The following AKT3 variants were observed in gnomAD, a reference collection of about 807,000 sequenced individuals.
The protein encoded by AKT3 is AKT serine/threonine kinase 3.
A neutral mutation model predicts 65.3 loss-of-function variants in AKT3; 15 were observed. That is an observed-to-expected ratio of 0.23 (90% CI 0.15 to 0.35). AKT3 has a LOEUF of 0.35. Ranked by LOEUF, AKT3 falls within the 10% of genes least tolerant of loss-of-function variation. The pLI is 1.00. For missense variants in AKT3, 243 were observed against 576.5 expected (o/e 0.42, Z 5.92); for synonymous variants, 206 against 183.8 (o/e 1.12, Z -0.98).
chr1:243,733,280 C>A (rs1687662407), intron 2 of AKT3, among the ~76,000 whole-genome samples: 1 of 152,182 alleles, frequency 6.6e-6, no homozygotes, highest in African/African-American at 2.4e-5. Flanking sequence ...CAAAAGATAG[C>A]TCTCTTTCAA....
intron 2 of AKT3, among the ~76,000 whole-genome samples, chr1:243,829,662 T>C (rs920632271): frequency 6.6e-6 from 1 of 151,878 alleles, no homozygotes; most frequent in Non-Finnish European, 1.5e-5. Context: ...AAATGTAAAA[T>C]AAAACAGCAA....
At chr1:243,776,515 G>C (rs1168301064) in intron 2 of AKT3, among the ~76,000 whole-genome samples, 5 of 152,154 alleles carry the variant, frequency 3.3e-5, no homozygotes, top group Non-Finnish European at 7.3e-5. Flanking sequence ...CAAGAAGCCA[G>C]AAAGAGAGCC....
intron 2 of AKT3, among the ~76,000 whole-genome samples, chr1:243,719,847 C>T (rs1686763594): frequency 6.6e-6 from 1 of 152,148 alleles, no homozygotes; most frequent in African/African-American, 2.4e-5. Context: ...CACCTAACTC[C>T]AAGACAGCTG....
intron 8 of AKT3, among the ~76,000 whole-genome samples, chr1:243,581,170 C>T (rs548478572): frequency 6.6e-6 from 1 of 152,334 alleles, no homozygotes; most frequent in Non-Finnish European, 1.5e-5. Flanking sequence ...TCCCTCGGCA[C>T]TAGTGCCTGT....
At chr1:243,725,741 C>A (rs1275990133) in intron 2 of AKT3, among the ~76,000 whole-genome samples, 33 of 151,506 alleles carry the variant, frequency 2.2e-4, no homozygotes, top group Non-Finnish European at 2.9e-5. Flanking sequence ...ATACCATTGC[C>A]AAAAAAAATT....
intron 8 of AKT3, among the ~76,000 whole-genome samples, chr1:243,589,020 A>C (rs1377371919): frequency 6.6e-6 from 1 of 152,102 alleles, no homozygotes; most frequent in Non-Finnish European, 1.5e-5. Flanking sequence ...AATATATACA[A>C]AACTCGGCTG....
chr1:243,561,144 A>G (rs1217724238), intron 10 of AKT3, among the ~76,000 whole-genome samples: 1 of 152,124 alleles, frequency 6.6e-6, no homozygotes, highest in African/African-American at 2.4e-5. Flanking sequence ...AATTTATTGT[A>G]TTTTAAATAG....
At chr1:243,848,722 A>G (rs1695618827) in intron 1 of AKT3, among the ~76,000 whole-genome samples, 1 of 152,252 alleles carries the variant, frequency 6.6e-6, no homozygotes, top group Non-Finnish European at 1.5e-5. Flanking sequence ...ACAAAAAGCC[A>G]TTATTTTTTA....
At chr1:243,573,398 T>A (rs1192680066) in intron 8 of AKT3, among the ~76,000 whole-genome samples, 1 of 152,158 alleles carries the variant, frequency 6.6e-6, no homozygotes, top group East Asian at 1.9e-4. Context: ...ATTGAGATAT[T>A]ACTAAAATAA....
chr1:243,573,230 G>A (rs535380749), intron 8 of AKT3, among the ~76,000 whole-genome samples, 182 bp from the exon 9 acceptor site: 2 of 152,168 alleles, frequency 1.3e-5, no homozygotes, highest in African/African-American at 2.4e-5. Context: ...GGGAAACTGC[G>A]AGCTGTTAAA....
chr1:243,577,945 C>A (rs1675064659), intron 8 of AKT3, among the ~76,000 whole-genome samples: 1 of 152,126 alleles, frequency 6.6e-6, no homozygotes, highest in Non-Finnish European at 1.5e-5. Context: ...AGCTCAACAC[C>A]ACTGATCATT....
At chr1:243,587,765 T>A (rs535642510) in intron 8 of AKT3, among the ~76,000 whole-genome samples, 2 of 152,286 alleles carry the variant, frequency 1.3e-5, no homozygotes, top group East Asian at 3.9e-4. Context: ...CACAATATAA[T>A]ACGATAAATT....
Position 243,850,052 on chromosome 1 carries a change from CGGCGGCGGTGGCGGCCCCGCAGCTGCTCG to C in AKT3, c.-154_-126del, listed in dbSNP as rs1416333082. 3.1e-6 allele frequency: 3 copies of C among 964,250 alleles called. No homozygotes were observed. Among genetic ancestry groups the C allele is most frequent in the Non-Finnish European group, 3.6e-6 (3 of 828,056 alleles). The allele number at this position is 964,250 out of a possible 1,614,324, so 59.7% of individuals were successfully genotyped here. ...CGGTGGCTGTTACCTGCAACGGCGG[CGGCGGCGGTGGCGGCCCCGCAGCTGCTCG>C]GGCGGCGGCGGAGGATGGAGCCGGG... On this transcript the variant is annotated 5_prime_UTR_variant, in exon 1 of 14. Coordinates refer to ENST00000673466, the MANE Select transcript of AKT3 (RefSeq NM_005465.7).
At chr1:243,738,257 C>T (rs1326159060) in intron 2 of AKT3, among the ~76,000 whole-genome samples, 1 of 152,306 alleles carries the variant, frequency 6.6e-6, no homozygotes, top group East Asian at 1.9e-4. Context: ...AGCCCAGTGG[C>T]TGCCTGTGAT....
chr1:243,524,066 T>G (rs1193062564), intron 12 of AKT3, among the ~76,000 whole-genome samples: 2 of 152,360 alleles, frequency 1.3e-5, no homozygotes, highest in East Asian at 3.9e-4. Context: ...GCTACAGCCC[T>G]GTACACGTTA....
intron 2 of AKT3, among the ~76,000 whole-genome samples, chr1:243,756,663 G>A (rs1050388850): frequency 3.9e-5 from 6 of 152,198 alleles, no homozygotes; most frequent in African/African-American, 1.2e-4. Context: ...GTCACCACTT[G>A]ACATTCATCT....
At chr1:243,498,578 C>T (rs534941515), downstream of AKT3, among the ~76,000 whole-genome samples, 61 of 152,344 alleles carry the variant, frequency 4.0e-4, no homozygotes, top group African/African-American at 1.4e-3. Flanking sequence ...AAAAGTTGTC[C>T]TCAGGGTCTC....
At chr1:243,641,895 C>T (rs901434396) in intron 5 of AKT3, among the ~76,000 whole-genome samples, 14 of 152,112 alleles carry the variant, frequency 9.2e-5, no homozygotes, top group African/African-American at 3.4e-4. Flanking sequence ...ACGATTGTGC[C>T]ACTGCACTCC....
chr1:243,699,511 AT>A (rs1685301509), intron 2 of AKT3, among the ~76,000 whole-genome samples: 3 of 113,114 alleles, frequency 2.7e-5, no homozygotes, highest in African/African-American at 1.0e-4. Context: ...ATATATATAT[AT>A]AATCTTCATG....
Sources: allele counts gnomAD v4.1 joint callset (sites outside exome capture counted in the v4.1 genomes callset), GRCh38; gene constraint gnomAD v4.1.1; transcripts MANE v1.5; gene names NCBI Gene and HGNC (gene_info 2026-07-23, HGNC 2026-07-21).